ROBO1: variants seen among roughly 807,000 people sequenced by gnomAD.
The protein encoded by ROBO1 is roundabout homolog 1.
A neutral mutation model predicts 195.9 loss-of-function variants in ROBO1; 149 were observed. The ratio of observed to expected loss-of-function variants is 0.76; its 90% CI spans 0.67 to 0.87. The LOEUF is 0.87. Among genes scored for constraint, ROBO1 ranks in the 40% least tolerant of loss-of-function variants. The pLI, the probability that ROBO1 is intolerant of heterozygous loss-of-function variation, is 0.00. For missense variants in ROBO1, 1,933 were observed against 2,068.3 expected, an observed-to-expected ratio of 0.93 and a Z score of 1.27; for synonymous variants, 816 against 733.2, an observed-to-expected ratio of 1.11 and a Z score of -1.82.
At chr3:78,886,267 T>C (rs2036566029) in intron 4 of ROBO1, among the ~76,000 whole-genome samples, 1 of 152,190 alleles carries the variant, frequency 6.6e-6, no homozygotes, top group East Asian at 1.9e-4. Context: ...CAATTTCATA[T>C]ATCGCCAACA....
intron 2 of ROBO1, among the ~76,000 whole-genome samples, chr3:79,371,192 G>A (rs545632575): frequency 3.7e-4 from 56 of 152,194 alleles, no homozygotes; most frequent in South Asian, 2.1e-3. Flanking sequence ...AACCCTTTGG[G>A]TGTATAACCA....
intron 18 of ROBO1, among the ~76,000 whole-genome samples, chr3:78,656,636 C>T (rs139303609): frequency 0.03 from 4,521 of 152,198 alleles, 155 homozygotes; most frequent in Admixed American, 0.1. Flanking sequence ...CAGGCATGAG[C>T]CACCGCACCT....
intron 2 of ROBO1, among the ~76,000 whole-genome samples, chr3:79,148,776 T>A (rs1378269666): frequency 6.6e-6 from 1 of 151,946 alleles, no homozygotes; most frequent in Non-Finnish European, 1.5e-5. Flanking sequence ...CTAACATGGA[T>A]TCACTGAAAT....
At chr3:79,108,671 G>A (rs2079829498) in intron 3 of ROBO1, among the ~76,000 whole-genome samples, 1 of 151,748 alleles carries the variant, frequency 6.6e-6, no homozygotes, top group African/African-American at 2.4e-5. Context: ...GAATAAGGGT[G>A]CCCTAACTCT....
chr3:79,096,995 G>C (rs556593975), intron 3 of ROBO1, among the ~76,000 whole-genome samples: 1 of 151,662 alleles, frequency 6.6e-6, no homozygotes, highest in South Asian at 2.1e-4. Context: ...GTTAGATATG[G>C]AAATACTTTA....
chr3:79,043,467 T>C (rs982879160), intron 3 of ROBO1, among the ~76,000 whole-genome samples: 1 of 152,096 alleles, frequency 6.6e-6, no homozygotes, highest in Non-Finnish European at 1.5e-5. Context: ...TCAAAACCCA[T>C]ATCTAAGTTG....
At chr3:78,900,739 T>A (rs1481334500) in intron 4 of ROBO1, among the ~76,000 whole-genome samples, 3 of 152,052 alleles carry the variant, frequency 2.0e-5, no homozygotes, top group Admixed American at 2.0e-4. Flanking sequence ...TTTAATATTA[T>A]CTTTAAAACA....
intron 2 of ROBO1, among the ~76,000 whole-genome samples, chr3:79,460,770 C>A (rs1314849924): frequency 6.6e-6 from 1 of 151,960 alleles, no homozygotes; most frequent in East Asian, 1.9e-4. Context: ...TTTTTTGAGA[C>A]GGAGTCTCGC....
intron 2 of ROBO1, among the ~76,000 whole-genome samples, chr3:79,151,532 T>C (rs1003498401): frequency 6.6e-6 from 1 of 151,758 alleles, no homozygotes; most frequent in Non-Finnish European, 1.5e-5. Flanking sequence ...TGCTCCTCTT[T>C]CTCTATAATC....
chr3:79,089,939 C>CTTTTTT (rs1177571028), intron 3 of ROBO1, among the ~76,000 whole-genome samples: 1 of 11,940 alleles, frequency 8.4e-5, no homozygotes, highest in African/African-American at 1.0e-4. Flanking sequence ...GTTATTCTTT[C>CTTTTTT]TTTTTTTTTT....
At chr3:78,873,825 A>G (rs1176168605) in intron 4 of ROBO1, among the ~76,000 whole-genome samples, 1 of 152,118 alleles carries the variant, frequency 6.6e-6, no homozygotes, top group Non-Finnish European at 1.5e-5. Flanking sequence ...TGGAAAGTTT[A>G]CACTTCAATT....
intron 2 of ROBO1, among the ~76,000 whole-genome samples, chr3:79,563,136 C>T (rs1300962639): frequency 6.6e-6 from 1 of 152,102 alleles, no homozygotes; most frequent in East Asian, 1.9e-4. Flanking sequence ...AAACATTGCA[C>T]GTGGACATGT....
intron 2 of ROBO1, among the ~76,000 whole-genome samples, chr3:79,378,573 G>A (rs1270763838): frequency 6.6e-6 from 1 of 152,102 alleles, no homozygotes; most frequent in Non-Finnish European, 1.5e-5. Flanking sequence ...CTCAAACATG[G>A]ATAAATAGTT....
chr3:79,290,162 C>T (rs570290156), intron 2 of ROBO1, among the ~76,000 whole-genome samples: 1 of 152,206 alleles, frequency 6.6e-6, no homozygotes, highest in African/African-American at 2.4e-5. Context: ...CCTCAGCCTC[C>T]CTAGTAGCTG....
At chr3:78,722,365 AATGTT>A (rs1441247096) in intron 5 of ROBO1, among the ~76,000 whole-genome samples, 1 of 152,152 alleles carries the variant, frequency 6.6e-6, no homozygotes, top group African/African-American at 2.4e-5. Context: ...TTCTACAAGA[AATGTT>A]AGTGGATAAG....
intron 2 of ROBO1, among the ~76,000 whole-genome samples, chr3:79,435,313 T>C (rs1244642581): frequency 6.6e-6 from 1 of 152,172 alleles, no homozygotes; most frequent in Admixed American, 6.5e-5. Context: ...CTTGCGCTAC[T>C]GGCTTCAAGC....
intron 3 of ROBO1, among the ~76,000 whole-genome samples, chr3:79,125,042 T>A (rs1399227335): frequency 6.6e-6 from 1 of 152,004 alleles, no homozygotes; most frequent in Non-Finnish European, 1.5e-5. Context: ...CTTTCTTTTG[T>A]TTTTAAGACT....
At chr3:78,844,885 G>A (rs567130794) in intron 4 of ROBO1, among the ~76,000 whole-genome samples, 87 of 151,964 alleles carry the variant, frequency 5.7e-4, no homozygotes, top group African/African-American at 2.1e-3. Flanking sequence ...AGAAAATGAG[G>A]GTGTAGGATT....
intron 2 of ROBO1, among the ~76,000 whole-genome samples, chr3:79,365,434 C>A (rs1464951189): frequency 6.6e-6 from 1 of 152,170 alleles, no homozygotes; most frequent in Non-Finnish European, 1.5e-5. Context: ...GCGTCGGTTG[C>A]TACTTAGTCA....
Sources: gnomAD v4.1 joint callset for allele counts (sites outside exome capture counted in the v4.1 genomes callset) on GRCh38, gnomAD v4.1.1 for gene constraint, MANE v1.5 for transcripts, NCBI Gene and HGNC (gene_info 2026-07-23, HGNC 2026-07-21) for gene names.